RBPMS: variants seen among roughly 807,000 people sequenced by gnomAD.
RBPMS encodes RNA-binding protein with multiple splicing.
A neutral mutation model predicts 26.8 loss-of-function variants in RBPMS; 7 were observed. That is an observed-to-expected ratio of 0.26 (90% confidence interval 0.15 to 0.49). The LOEUF (loss-of-function observed/expected upper bound fraction) is 0.49. RBPMS is among the 20% of genes least tolerant of loss of function. The pLI is 0.98. For missense variants in RBPMS, 186 were observed against 250.0 expected, an observed-to-expected ratio of 0.74 and a Z score of 1.73; for synonymous variants, 96 against 93.3, an observed-to-expected ratio of 1.03 and a Z score of -0.17.
chr8:30,437,083 C>G (rs1004376755), intron 1 of RBPMS, among the ~76,000 whole-genome samples: 2 of 151,496 alleles, frequency 1.3e-5, no homozygotes, highest in African/African-American at 4.8e-5. Flanking sequence ...CCACCATGCC[C>G]GCTAATTTTT....
At chr8:30,511,502 T>A (rs1401488104) in intron 5 of RBPMS, among the ~76,000 whole-genome samples, 182 of 2,038 alleles carry the variant, frequency 0.089, 1 homozygote, top group Non-Finnish European at 0.19. Context: ...TATATATATA[T>A]ATATATATAT....
intron 6 of RBPMS, among the ~76,000 whole-genome samples, chr8:30,550,753 A>C (rs1316525456): frequency 6.6e-6 from 1 of 152,216 alleles, no homozygotes; most frequent in Admixed American, 6.5e-5. Context: ...TATCCAAAAG[A>C]GGGGCCTCCC....
Position 30,384,830 on chromosome 8 carries a change from GTGCCCCGCTCCCGGCCCGCGCCC to G in RBPMS, c.-255_-233del, listed in dbSNP as rs960444371. On this transcript the variant is annotated 5_prime_UTR_variant, in exon 1 of 9. Transcript: ENST00000397323. The surrounding 1 kb of genome is among the most constrained non-coding windows in gnomAD (Gnocchi z 5.6). ...GCCCTCCCGGGGCCCGATTGTCTCG[GTGCCCCGCTCCCGGCCCGCGCCC>G]TGCCCCGTCTCTCCCTTGCACTTCC... is the stretch of plus-strand genomic sequence containing the variant. 2 of 315,390 alleles carry G rather than the reference GTGCCCCGCTCCCGGCCCGCGCCC, an allele frequency of 6.3e-6. No homozygotes were observed. Among genetic ancestry groups the G allele is most frequent in the African/African-American group, 4.4e-5 (2 of 45,358 alleles). 19.5% of individuals were successfully genotyped at this position (315,390 alleles called of 1,614,324 possible). A position where few individuals can be genotyped will look rare whatever the true frequency, so the allele number is the denominator to read the frequency against.
At chr8:30,474,881 T>A (rs773444466) in intron 2 of RBPMS, 25 bp downstream of exon 2, 195 of 1,470,190 alleles carry the variant, frequency 1.3e-4, no homozygotes, top group Admixed American at 3.4e-5. Context: ...CTTTCAGAAA[T>A]TATAAAATGA....
At chr8:30,469,029 T>A (rs1002865637) in intron 1 of RBPMS, among the ~76,000 whole-genome samples, 1 of 152,226 alleles carries the variant, frequency 6.6e-6, no homozygotes, top group Non-Finnish European at 1.5e-5. Context: ...TTAAAACTTT[T>A]ATGAAAAACT....
intron 1 of RBPMS, among the ~76,000 whole-genome samples, chr8:30,427,768 A>C (rs1472115371): frequency 6.6e-6 from 1 of 152,168 alleles, no homozygotes; most frequent in Non-Finnish European, 1.5e-5. Flanking sequence ...GTGGGGTTAG[A>C]ACACAGGACG....
At chr8:30,386,697 C>T (rs1338232536) in intron 1 of RBPMS, among the ~76,000 whole-genome samples, 7 of 151,954 alleles carry the variant, frequency 4.6e-5, no homozygotes, top group Non-Finnish European at 8.8e-5. Flanking sequence ...GACAAGTGTG[C>T]TTTTTTAGGA....
At chr8:30,561,425 GTGTGTTGAGCTCTCCAT>G (rs1389003108) in intron 7 of RBPMS, among the ~76,000 whole-genome samples, 1 of 152,212 alleles carries the variant, frequency 6.6e-6, no homozygotes, top group Non-Finnish European at 1.5e-5. Context: ...TTCCATGACA[GTGTGTTGAGCTCTCCAT>G]TGTCAGAGGC....
At chr8:30,480,149 T>C (rs1818122999) in intron 4 of RBPMS, among the ~76,000 whole-genome samples, 1 of 152,226 alleles carries the variant, frequency 6.6e-6, no homozygotes, top group Non-Finnish European at 1.5e-5. Context: ...CATCATGCTC[T>C]AGGCAGTTGG....
At chr8:30,560,929 C>G (rs796126739) in intron 7 of RBPMS, among the ~76,000 whole-genome samples, 11 of 152,264 alleles carry the variant, frequency 7.2e-5, no homozygotes, top group African/African-American at 2.6e-4. Context: ...GCTCATTAAT[C>G]TGTGATGATA....
chr8:30,437,819 G>T (rs569376819), intron 1 of RBPMS, among the ~76,000 whole-genome samples: 1 of 143,656 alleles, frequency 7.0e-6, no homozygotes, highest in Non-Finnish European at 1.5e-5. Flanking sequence ...GTAGCCGAGC[G>T]TGGTGGGCAC....
At chr8:30,549,602 GC>G in intron 6 of RBPMS, 1 of 1,598,300 alleles carries the variant, frequency 6.3e-7, no homozygotes, top group Non-Finnish European at 8.6e-7. Flanking sequence ...CTTTCTAGGA[GC>G]ACCTGGCTTA....
At position 30,504,363 on chromosome 8, in the gene RBPMS, C is replaced by G. The variant is rs1348503433; in HGVS notation, c.324C>G (p.Asn108Lys). ...AGGCAAACACGAAGATGGCCAAGAA[C>G]AAACTCGTAGGGACTCCAAACCCCA... Reference protein sequence around the residue: ...FAKANTKMAKNKLVGTPNPST... With the variant: ...FAKANTKMAKKKLVGTPNPST... Residue 108 changes from asparagine to lysine, a missense_variant, in exon 5 of 9, where the codon AAC becomes AAG. Asn to Lys is a moderately conservative substitution (Grantham distance 94, BLOSUM62 0). Around this residue, in one of 3 missense-constraint regions of RBPMS, gnomAD observed 98 missense variants for 113.6 expected, o/e 0.86. Coordinates refer to ENST00000397323, the MANE Select transcript of RBPMS (RefSeq NM_001008710.3). 6.2e-7 allele frequency: 1 copy of G among 1,614,192 alleles called. No homozygotes were observed. The highest frequency in any genetic ancestry group is 8.5e-7 in the Non-Finnish European group (1 of 1,179,984).
chr8:30,474,599 G>A (rs1449142121), intron 1 of RBPMS, among the ~76,000 whole-genome samples, 180 bp from the exon 2 acceptor site: 1 of 151,818 alleles, frequency 6.6e-6, no homozygotes, highest in African/African-American at 2.4e-5. Flanking sequence ...ATTTAAAAAG[G>A]AAAAAAAAGT....
At chr8:30,529,412 G>C (rs1013511130) in intron 5 of RBPMS, among the ~76,000 whole-genome samples, 6 of 151,886 alleles carry the variant, frequency 4.0e-5, no homozygotes, top group African/African-American at 1.5e-4. Context: ...TGAGGCAGGA[G>C]AATCGCTTGA....
chr8:30,429,193 G>A (rs145414684), intron 1 of RBPMS, among the ~76,000 whole-genome samples: 17 of 152,306 alleles, frequency 1.1e-4, no homozygotes, highest in Admixed American at 9.1e-4. Flanking sequence ...AAAATGTGGA[G>A]TGATGTCACA....
intron 4 of RBPMS, among the ~76,000 whole-genome samples, chr8:30,496,871 A>T (rs571378864): frequency 6.6e-6 from 1 of 152,300 alleles, no homozygotes; most frequent in South Asian, 2.1e-4. Flanking sequence ...GAGTCATTTC[A>T]GGCTCCAACT....
intron 1 of RBPMS, among the ~76,000 whole-genome samples, chr8:30,468,348 G>A (rs1816735809): frequency 6.6e-6 from 1 of 151,974 alleles, no homozygotes; most frequent in Non-Finnish European, 1.5e-5. Context: ...TTTTGGGTCT[G>A]TCTCCATTTC....
At chr8:30,426,503 G>T (rs1367402272) in intron 1 of RBPMS, among the ~76,000 whole-genome samples, 3 of 152,078 alleles carry the variant, frequency 2.0e-5, no homozygotes, top group Non-Finnish European at 4.4e-5. Flanking sequence ...GAACATTTGG[G>T]GTCCTGAATA....
Sources: allele counts gnomAD v4.1 joint callset (sites outside exome capture counted in the v4.1 genomes callset), GRCh38; gene constraint gnomAD v4.1.1; regional missense constraint gnomAD v4.1.1; non-coding constraint Gnocchi (gnomAD v3.1); transcripts MANE v1.5; gene names NCBI Gene and HGNC (gene_info 2026-07-23, HGNC 2026-07-21).